OR56A3: variants seen among roughly 807,000 people sequenced by gnomAD.
OR56A3 encodes olfactory receptor 56A3.
OR56A3 carries 23 observed loss-of-function variants against 17.5 expected under a neutral mutation model. The observed-to-expected ratio is 1.32, with a 90% CI of 0.95 to 1.87. The LOEUF (loss-of-function observed/expected upper bound fraction) is 1.87, where lower values mean the gene tolerates loss of function less well. Ranked by LOEUF, OR56A3 falls within the 40% of genes most tolerant of loss-of-function variation. The pLI is 0.00. For synonymous variants in OR56A3, 175 were observed against 150.6 expected (o/e 1.16, Z -1.19); for missense variants, 366 against 380.1 (o/e 0.96, Z 0.31).
At chr11:5,979,301 G>C in the OR56A3 span, among the ~76,000 whole-genome samples, 1 of 151,810 alleles carries the variant, frequency 6.6e-6, no homozygotes, top group Non-Finnish European at 1.5e-5. Flanking sequence ...TGGCACCAGC[G>C]CTTCTTTACA....
chr11:6,010,542 C>T, the OR56A3 span, among the ~76,000 whole-genome samples: 1 of 152,154 alleles, frequency 6.6e-6, no homozygotes, highest in African/African-American at 2.4e-5. Context: ...TTAAAAGTGT[C>T]ATCTTAAAAG....
the OR56A3 span, chr11:6,002,462 G>A: frequency 6.2e-7 from 1 of 1,614,228 alleles, no homozygotes; most frequent in African/African-American, 1.3e-5. Context: ...TGCAGTTCTT[G>A]ATTATGTTTC....
chr11:5,959,535 T>A, the OR56A3 span, among the ~76,000 whole-genome samples: 2 of 152,170 alleles, frequency 1.3e-5, no homozygotes, highest in African/African-American at 4.8e-5. Flanking sequence ...CAGAGTTCCT[T>A]ATATATTTTA....
At chr11:5,986,256 A>G in the OR56A3 span, 8 of 1,613,892 alleles carry the variant, frequency 5.0e-6, no homozygotes, top group Non-Finnish European at 6.8e-6. Context: ...CATCCAGCCC[A>G]ATCACAAGCA....
At chr11:5,953,932 C>T (rs532218109), downstream of OR56A3, among the ~76,000 whole-genome samples, 1 of 152,106 alleles carries the variant, frequency 6.6e-6, no homozygotes. Flanking sequence ...CTGAAACTTT[C>T]TTCTGTAATA....
At chr11:5,986,141 A>C in the OR56A3 span, 5 of 1,613,854 alleles carry the variant, frequency 3.1e-6, no homozygotes, top group African/African-American at 5.3e-5. Flanking sequence ...AGGATGACAC[A>C]AATATGAGAG....
At chr11:5,985,848 T>G in the OR56A3 span, 5 of 1,178,366 alleles carry the variant, frequency 4.2e-6, no homozygotes, top group Non-Finnish European at 5.9e-6. Flanking sequence ...CACTGCAAAA[T>G]GGTCTGTATT....
chr11:6,002,932 G>C, the OR56A3 span: 1 of 1,613,948 alleles, frequency 6.2e-7, no homozygotes, highest in South Asian at 1.1e-5. Flanking sequence ...TGGAAGTTGG[G>C]GAAGCAGATG....
At chr11:5,955,779 T>C (rs1847928951), downstream of OR56A3, among the ~76,000 whole-genome samples, 1 of 152,218 alleles carries the variant, frequency 6.6e-6, no homozygotes, top group Non-Finnish European at 1.5e-5. Flanking sequence ...AAACAAATTA[T>C]GATAAGATGA....
the OR56A3 span, among the ~76,000 whole-genome samples, chr11:5,960,450 C>T: frequency 1.1e-4 from 17 of 152,314 alleles, no homozygotes; most frequent in South Asian, 1.5e-3. Context: ...TGGTGGAGAC[C>T]GGGTTTCGCC....
At chr11:5,988,663 CTTT>C in the OR56A3 span, among the ~76,000 whole-genome samples, 4 of 152,134 alleles carry the variant, frequency 2.6e-5, no homozygotes, top group East Asian at 7.7e-4. Context: ...TTCTTTTCTT[CTTT>C]GTCTCCATGA....
chr11:5,980,127 T>G, the OR56A3 span, among the ~76,000 whole-genome samples: 9 of 152,134 alleles, frequency 5.9e-5, no homozygotes, highest in African/African-American at 2.2e-4. Context: ...TTTTAGATTA[T>G]GTACCCTGTG....
the OR56A3 span, chr11:6,000,840 T>G: frequency 6.6e-6 from 1 of 152,216 alleles, no homozygotes; most frequent in African/African-American, 2.4e-5. Context: ...ATAGCAGGTC[T>G]GTAATAAAAA....
At chr11:5,986,350 T>C in the OR56A3 span, 2 of 1,613,850 alleles carry the variant, frequency 1.2e-6, no homozygotes, top group Non-Finnish European at 1.7e-6. Context: ...ACAATAGGCA[T>C]GGCCTATGAT....
At chr11:5,984,013 T>C in the OR56A3 span, among the ~76,000 whole-genome samples, 4 of 152,254 alleles carry the variant, frequency 2.6e-5, no homozygotes, top group African/African-American at 7.2e-5. Flanking sequence ...GATTTTGCGA[T>C]GTCTTTCAGA....
Position 5,947,481 on chromosome 11 carries a change from C to T in OR56A3, c.135C>T (p.Ala45=), listed in dbSNP as rs1847877501. Residue 45 remains alanine (A), a synonymous_variant, in exon 3 of 3, where the codon GCC becomes GCT. Transcript: ENST00000641160. ...TCCTTTTCCTCTTGGCCGTAGGGGC[C>T]AACACCACCCTCCTGATGACCATCT... ...LSLLFLLAVG[A]NTTLLMTIWL... 2 of 1,613,880 alleles carry T rather than the reference C, an allele frequency of 1.2e-6. No homozygotes were observed. The highest frequency in any genetic ancestry group is 1.3e-5 in the African/African-American group (1 of 74,908).
chr11:5,947,777 T>C lies in OR56A3; in HGVS notation c.431T>C (p.Phe144Ser). 1 of 1,614,192 alleles carries C rather than the reference T, an allele frequency of 6.2e-7. No homozygotes were observed. Among genetic ancestry groups the C allele is most frequent in the African/African-American group, 1.3e-5 (1 of 75,048 alleles). ...LRYPSIITDHFVVKAAMFILT... is the reference protein window; with the variant it reads ...LRYPSIITDHSVVKAAMFILT... The stretch of plus-strand genomic sequence containing the variant: ...TATCCATCAATCATCACTGATCACT[T>C]TGTAGTCAAGGCTGCCATGTTTATT... The change falls in exon 3 of 3, where the codon TTT becomes TCT. Residue 144 changes from phenylalanine to serine, a missense_variant. By Grantham distance (155) the Phe-to-Ser change is radical (BLOSUM62 -2). Coordinates refer to ENST00000641160, the MANE Select transcript of OR56A3 (RefSeq NM_001003443.3).
chr11:5,975,794 C>T, the OR56A3 span, among the ~76,000 whole-genome samples: 7 of 151,996 alleles, frequency 4.6e-5, no homozygotes, highest in African/African-American at 1.7e-4. Flanking sequence ...CTGACTTCCA[C>T]AATGGTTGAA....
At chr11:5,956,449 G>A in the OR56A3 span, among the ~76,000 whole-genome samples, 25 of 152,078 alleles carry the variant, frequency 1.6e-4, no homozygotes, top group Non-Finnish European at 2.4e-4. Context: ...TCTTTCTCAC[G>A]TCAGTGTCTT....
Sources: allele counts gnomAD v4.1 joint callset (sites outside exome capture counted in the v4.1 genomes callset), GRCh38; gene constraint gnomAD v4.1.1; transcripts MANE v1.5; gene names NCBI Gene and HGNC (gene_info 2026-07-23, HGNC 2026-07-21).